WDPCP: variants seen among roughly 807,000 people sequenced by gnomAD.
The protein encoded by WDPCP is WD repeat-containing and planar cell polarity effector protein fritz homolog.
In WDPCP, 71 loss-of-function variants were observed where a neutral mutation model predicts 93.1. That is an observed-to-expected ratio of 0.76 (90% CI 0.63 to 0.93). WDPCP has a LOEUF of 0.93. Among genes scored for constraint, WDPCP ranks in the 40% least tolerant of loss-of-function variants. The pLI is 0.00. For missense variants in WDPCP, 844 were observed against 887.4 expected, an observed-to-expected ratio of 0.95 and a Z score of 0.62; for synonymous variants, 315 against 315.0, an observed-to-expected ratio of 1.00 and a Z score of 0.00.
intron 12 of WDPCP, among the ~76,000 whole-genome samples, chr2:63,368,462 A>T (rs1691115056): frequency 6.6e-6 from 1 of 151,976 alleles, no homozygotes; most frequent in African/African-American, 2.4e-5. Context: ...AGTAGCTGGG[A>T]TTACAGGCTC....
intron 2 of WDPCP, among the ~76,000 whole-genome samples, chr2:63,801,549 C>T (rs916017720): frequency 3.3e-5 from 5 of 152,282 alleles, no homozygotes; most frequent in East Asian, 1.9e-4. Flanking sequence ...TATTTGTCCC[C>T]GCCCATGTTC....
intron 14 of WDPCP, among the ~76,000 whole-genome samples, chr2:63,216,258 G>A (rs949621084): frequency 5.9e-5 from 9 of 152,102 alleles, no homozygotes; most frequent in South Asian, 2.1e-4. Flanking sequence ...ACATGCACAC[G>A]TATGTTTATT....
chr2:63,294,507 CGAA>C (rs1191780798), intron 13 of WDPCP, among the ~76,000 whole-genome samples: 1 of 22,394 alleles, frequency 4.5e-5, no homozygotes, highest in African/African-American at 3.1e-4. Flanking sequence ...AAGACTGTTT[CGAA>C]AAAAAAAAAA....
At chr2:63,696,672 C>T (rs578259869) in intron 2 of WDPCP, among the ~76,000 whole-genome samples, 4 of 152,160 alleles carry the variant, frequency 2.6e-5, no homozygotes, top group Non-Finnish European at 4.4e-5. Flanking sequence ...CCCATGGTAG[C>T]AATTGGGTAA....
chr2:63,555,299 T>C (rs182127462), intron 1 of WDPCP, among the ~76,000 whole-genome samples: 11 of 152,284 alleles, frequency 7.2e-5, no homozygotes, highest in Admixed American at 3.9e-4. Flanking sequence ...CCTGAGGGAA[T>C]TTCAGCAACT....
chr2:63,424,237 C>T (rs1292615288), intron 9 of WDPCP, among the ~76,000 whole-genome samples: 3 of 77,704 alleles, frequency 3.9e-5, no homozygotes, highest in Admixed American at 1.8e-4. Context: ...CCCAGGGAGG[C>T]GCGCGGTGTG....
At chr2:63,371,109 C>T (rs1028661805) in intron 12 of WDPCP, among the ~76,000 whole-genome samples, 1 of 152,142 alleles carries the variant, frequency 6.6e-6, no homozygotes, top group Admixed American at 6.6e-5. Context: ...AACTCCTGGT[C>T]TTTTCCCACA....
intron 6 of WDPCP, among the ~76,000 whole-genome samples, chr2:63,447,458 G>A (rs897537736): frequency 3.9e-5 from 6 of 152,066 alleles, no homozygotes; most frequent in Non-Finnish European, 8.8e-5. Flanking sequence ...TTATTTTATG[G>A]TTTTAAAGAG....
At chr2:63,434,065 TAAG>T (rs2105469831) in intron 8 of WDPCP, 129 bp from the exon 9 acceptor site, 1 of 911,084 alleles carries the variant, frequency 1.1e-6, no homozygotes, top group Admixed American at 2.4e-5. Flanking sequence ...AACATGTGCG[TAAG>T]AAGGTGTCAG....
At chr2:63,603,812 C>A (rs1349844922) in intron 3 of WDPCP, among the ~76,000 whole-genome samples, 1 of 152,144 alleles carries the variant, frequency 6.6e-6, no homozygotes, top group Non-Finnish European at 1.5e-5. Context: ...CATGTGCCAC[C>A]AAGCCCGGCT....
At chr2:63,568,552 C>G (rs1291399031) in intron 1 of WDPCP, among the ~76,000 whole-genome samples, 10 of 152,204 alleles carry the variant, frequency 6.6e-5, no homozygotes, top group Admixed American at 6.5e-4. Flanking sequence ...GGTACACTCA[C>G]CAGCAGTTTT....
At chr2:63,593,264 C>T (rs4671519), upstream of WDPCP, 146,600 of 185,100 alleles carry the variant, frequency 0.79, 59,018 homozygotes, top group East Asian at 0.98. Context: ...CCAGCTAATT[C>T]TGTATTTTTA....
At chr2:63,523,544 C>T (rs1238605070) in intron 1 of WDPCP, among the ~76,000 whole-genome samples, 7 of 152,152 alleles carry the variant, frequency 4.6e-5, no homozygotes, top group Non-Finnish European at 8.8e-5. Flanking sequence ...TGATTCTATA[C>T]CTAGAAAACT....
chr2:63,217,290 T>C (rs1385526075), intron 14 of WDPCP, among the ~76,000 whole-genome samples: 1 of 152,238 alleles, frequency 6.6e-6, no homozygotes. Flanking sequence ...TTATCTATCA[T>C]CTATGGCTGC....
At chr2:63,740,001 T>C (rs967251304) in intron 2 of WDPCP, among the ~76,000 whole-genome samples, 1 of 152,120 alleles carries the variant, frequency 6.6e-6, no homozygotes, top group Admixed American at 6.6e-5. Flanking sequence ...TTCATTAACA[T>C]TGTTATATAT....
At chr2:63,271,598 G>C (rs756236357) in intron 13 of WDPCP, among the ~76,000 whole-genome samples, 25 of 152,164 alleles carry the variant, frequency 1.6e-4, no homozygotes, top group Non-Finnish European at 3.1e-4. Context: ...TGGTGCGGGG[G>C]AGGGGGCTTG....
At chr2:63,418,669 AG>A (rs1378664232) in intron 9 of WDPCP, among the ~76,000 whole-genome samples, 3 of 152,212 alleles carry the variant, frequency 2.0e-5, no homozygotes, top group Non-Finnish European at 4.4e-5. Flanking sequence ...GATAACGAAC[AG>A]GGTAAAAAGT....
chr2:63,415,493 A>G lies in WDPCP; in HGVS notation c.826-10836T>C, dbSNP rs544163609. Among the ~76,000 whole-genome samples, 17 of 152,364 alleles carry G rather than the reference A, an allele frequency of 1.1e-4. No individual in the cohort carries two copies. The South Asian group carries it at 2.7e-3, about 24-fold the overall frequency. On this transcript the variant is annotated intron_variant, in intron 9 of 17. Transcript: ENST00000272321. ...TGCATTGTCTTATTTAACATTTTCAATACCCCAAAGTTAGGTATTATAATC... is the reference window on the plus strand; with the variant it reads ...TGCATTGTCTTATTTAACATTTTCAGTACCCCAAAGTTAGGTATTATAATC...
chr2:63,571,565 T>C (rs1392485635), intron 1 of WDPCP: 1 of 471,092 alleles, frequency 2.1e-6, no homozygotes, highest in East Asian at 6.9e-5. Context: ...CTATGGTCAC[T>C]CTCCAGTGCC....
Sources: gnomAD v4.1 joint callset for allele counts (sites outside exome capture counted in the v4.1 genomes callset) on GRCh38, gnomAD v4.1.1 for gene constraint, MANE v1.5 for transcripts, NCBI Gene and HGNC (gene_info 2026-07-23, HGNC 2026-07-21) for gene names.